The following ST8SIA6 variants were observed in gnomAD, a reference collection of about 807,000 sequenced individuals.
The protein encoded by ST8SIA6 is alpha-2,8-sialyltransferase 8F.
In ST8SIA6, 39 loss-of-function variants were observed where a neutral mutation model predicts 33.6. The ratio of observed to expected loss-of-function variants is 1.16; its 90% confidence interval spans 0.90 to 1.52. The LOEUF is 1.52. Ranked by LOEUF, ST8SIA6 falls within the 40% of genes most tolerant of loss-of-function variation. The pLI is 0.00. For synonymous variants in ST8SIA6, 172 were observed against 167.2 expected, an observed-to-expected ratio of 1.03 and a Z score of -0.22; for missense variants, 441 against 443.8, an observed-to-expected ratio of 0.99 and a Z score of 0.06.
At chr10:17,444,656 T>A (rs2131742251) in intron 2 of ST8SIA6, among the ~76,000 whole-genome samples, 1 of 152,278 alleles carries the variant, frequency 6.6e-6, no homozygotes, top group Middle Eastern at 3.4e-3. Context: ...CCCCGGACAA[T>A]TGCACCTGAT....
chr10:17,415,803 CTT>C (rs968920842), intron 2 of ST8SIA6, among the ~76,000 whole-genome samples: 119 of 92,206 alleles, frequency 1.3e-3, no homozygotes, highest in Middle Eastern at 7.9e-3. Flanking sequence ...CCTCACTTGT[CTT>C]TTTTTTTTTT....
At chr10:17,403,101 G>A (rs1370423528) in intron 2 of ST8SIA6, among the ~76,000 whole-genome samples, 2 of 152,102 alleles carry the variant, frequency 1.3e-5, no homozygotes, top group African/African-American at 4.8e-5. Flanking sequence ...CTGAATTTCA[G>A]TCTCCCTCCA....
intron 2 of ST8SIA6, among the ~76,000 whole-genome samples, chr10:17,423,571 T>C (rs1588911226): frequency 6.6e-6 from 1 of 152,224 alleles, no homozygotes; most frequent in African/African-American, 2.4e-5. Context: ...CTTTCCAGGC[T>C]TTTCTGGGTT....
intron 2 of ST8SIA6, among the ~76,000 whole-genome samples, chr10:17,446,445 G>A (rs1267640457): frequency 1.3e-5 from 2 of 152,294 alleles, no homozygotes; most frequent in East Asian, 3.9e-4. Context: ...AATGCTTTCT[G>A]AGATGTAAAC....
intron 2 of ST8SIA6, among the ~76,000 whole-genome samples, chr10:17,415,790 A>G (rs916023861): frequency 6.8e-6 from 1 of 146,330 alleles, no homozygotes; most frequent in African/African-American, 2.5e-5. Flanking sequence ...AATTCAATGG[A>G]CGCCTCACTT....
At chr10:17,407,937 C>T (rs1411710987) in intron 2 of ST8SIA6, 2 of 152,580 alleles carry the variant, frequency 1.3e-5, no homozygotes, top group African/African-American at 4.8e-5. Flanking sequence ...CTCATCATGT[C>T]ACCAATAAGT....
chr10:17,397,658 C>T (rs1273580847), intron 2 of ST8SIA6, among the ~76,000 whole-genome samples: 1 of 152,208 alleles, frequency 6.6e-6, no homozygotes, highest in Non-Finnish European at 1.5e-5. Flanking sequence ...TGGCCCCTGC[C>T]TGCATTTGTT....
chr10:17,322,487 A>T (rs141273962), intron 7 of ST8SIA6, among the ~76,000 whole-genome samples: 148 of 152,274 alleles, frequency 9.7e-4, no homozygotes, highest in African/African-American at 3.4e-3. Context: ...TTTTCTTTCA[A>T]GGGATGCTAT....
chr10:17,368,155 G>A (rs1057099676), intron 3 of ST8SIA6, among the ~76,000 whole-genome samples: 1 of 150,436 alleles, frequency 6.6e-6, no homozygotes, highest in Non-Finnish European at 1.5e-5. Context: ...CAGCACTTTG[G>A]GAGGCCAAGG....
chr10:17,388,467 GCTGTATAAACA>G (rs1161108185), intron 3 of ST8SIA6, among the ~76,000 whole-genome samples: 8 of 152,212 alleles, frequency 5.3e-5, no homozygotes, highest in Non-Finnish European at 1.2e-4. Flanking sequence ...ATTAGAGGCA[GCTGTATAAACA>G]CTATTTCTAA....
At chr10:17,333,704 T>TAG in intron 4 of ST8SIA6, among the ~76,000 whole-genome samples, 1 of 30,060 alleles carries the variant, frequency 3.3e-5, no homozygotes, top group African/African-American at 1.5e-4. Flanking sequence ...TATATATATA[T>TAG]ATATATATAT....
chr10:17,348,320 T>G (rs556959975), intron 4 of ST8SIA6, among the ~76,000 whole-genome samples: 1 of 151,674 alleles, frequency 6.6e-6, no homozygotes, highest in East Asian at 2.0e-4. Flanking sequence ...GCTGAATCAG[T>G]CTTATGTGTA....
At position 17,318,641 on chromosome 10, in the gene ST8SIA6, T is replaced by C. The variant is rs1847846988; in HGVS notation, c.*2237A>G. On this transcript the variant is annotated 3_prime_UTR_variant, in exon 8 of 8. Coordinates refer to ENST00000377602, the MANE Select transcript of ST8SIA6 (RefSeq NM_001004470.3). ...CAATATTTAAGCAATGCTGATTACATACAGATTTCTTGGGAGTGTCACAGT... is the reference window on the plus strand; with the variant it reads ...CAATATTTAAGCAATGCTGATTACACACAGATTTCTTGGGAGTGTCACAGT... 1 of 469,240 alleles carries C rather than the reference T, an allele frequency of 2.1e-6. No individual in the cohort carries two copies. The highest frequency in any genetic ancestry group is 2.0e-5 in the African/African-American group (1 of 49,900). 29.1% of individuals were successfully genotyped at this position (469,240 alleles called of 1,614,324 possible).
intron 2 of ST8SIA6, among the ~76,000 whole-genome samples, chr10:17,428,163 G>A (rs11595574): frequency 0.27 from 40,545 of 152,004 alleles, 6,145 homozygotes; most frequent in African/African-American, 0.4. Flanking sequence ...AAATGCTATC[G>A]CATAAAACCT....
At chr10:17,436,675 A>G (rs1852272098) in intron 2 of ST8SIA6, among the ~76,000 whole-genome samples, 1 of 151,724 alleles carries the variant, frequency 6.6e-6, no homozygotes, top group Non-Finnish European at 1.5e-5. Flanking sequence ...TTCCAGCTTC[A>G]TCCATGTCCC....
intron 2 of ST8SIA6, 125 bp downstream of exon 2, chr10:17,453,434 C>T (rs1292107305): frequency 1.5e-6 from 1 of 668,904 alleles, no homozygotes; most frequent in Admixed American, 4.4e-5. Flanking sequence ...CACACGCACA[C>T]TCTTACACTC....
At chr10:17,324,381 T>C (rs1848056009) in intron 6 of ST8SIA6, among the ~76,000 whole-genome samples, 2 of 152,032 alleles carry the variant, frequency 1.3e-5, no homozygotes, top group Admixed American at 1.3e-4. Flanking sequence ...GTAAAATAAA[T>C]ATGAATCAAA....
Position 17,327,100 on chromosome 10 carries a change from ATAAGGG to A in ST8SIA6, c.543_548del (p.Pro182_Tyr183del). On this transcript the variant is annotated inframe_deletion, in exon 6 of 8. Coordinates refer to ENST00000377602, the MANE Select transcript of ST8SIA6 (RefSeq NM_001004470.3). ...CATTTCCGACCACTGCACACTGATT[ATAAGGG>A]TAGTCCACAAAAGGCTGGGACTAGC... 1 of 1,606,062 alleles carries A rather than the reference ATAAGGG, an allele frequency of 6.2e-7. No individual in the cohort carries two copies. Among genetic ancestry groups the A allele is most frequent in the Non-Finnish European group, 8.5e-7 (1 of 1,177,104 alleles).
chr10:17,453,455 TC>T, intron 2 of ST8SIA6, 103 bp downstream of exon 2: 1 of 886,492 alleles, frequency 1.1e-6, no homozygotes, highest in South Asian at 5.0e-5. Context: ...ACTCGCGCCG[TC>T]CCAGCCTGCC....
Sources: allele counts gnomAD v4.1 joint callset (sites outside exome capture counted in the v4.1 genomes callset), GRCh38; gene constraint gnomAD v4.1.1; transcripts MANE v1.5; gene names NCBI Gene and HGNC (gene_info 2026-07-23, HGNC 2026-07-21).